The following DLG2 variants were observed in gnomAD, a reference collection of about 807,000 sequenced individuals.
DLG2 encodes the protein discs large MAGUK scaffold protein 2.
Under a neutral mutation model 132.5 loss-of-function variants are expected in DLG2, and 45 were observed. The observed-to-expected ratio is 0.34, with a 90% CI of 0.27 to 0.44. The LOEUF (loss-of-function observed/expected upper bound fraction) is 0.44. Among genes scored for constraint, DLG2 ranks in the 20% least tolerant of loss-of-function variants. DLG2 has a pLI of 1.00. For synonymous variants in DLG2, 424 were observed against 419.6 expected (o/e 1.01, Z -0.13); for missense variants, 1,045 against 1,196.9 (o/e 0.87, Z 1.87).
At chr11:84,802,845 G>C (rs2075571500) in intron 6 of DLG2, among the ~76,000 whole-genome samples, 1 of 151,994 alleles carries the variant, frequency 6.6e-6, no homozygotes, top group Non-Finnish European at 1.5e-5. Flanking sequence ...GTGTCACCAG[G>C]CTGGAGTACA....
chr11:85,576,879 C>T (rs1318222880), intron 3 of DLG2, among the ~76,000 whole-genome samples: 1 of 151,978 alleles, frequency 6.6e-6, no homozygotes, highest in Admixed American at 6.6e-5. Context: ...TAAGGAAAGG[C>T]TTAAGATGGC....
intron 18 of DLG2, among the ~76,000 whole-genome samples, chr11:83,641,464 T>TC (rs1485754091): frequency 2.0e-5 from 3 of 152,210 alleles, no homozygotes; most frequent in Non-Finnish European, 2.9e-5. Context: ...CTCTTCTTTT[T>TC]CTAGTTTTCC....
At chr11:84,064,846 G>A (rs2096646904) in intron 10 of DLG2, among the ~76,000 whole-genome samples, 1 of 152,074 alleles carries the variant, frequency 6.6e-6, no homozygotes, top group African/African-American at 2.4e-5. Flanking sequence ...AGCTTTTACA[G>A]CAAGGTACTG....
chr11:85,045,254 C>T (rs1370008212), intron 6 of DLG2, among the ~76,000 whole-genome samples: 1 of 151,962 alleles, frequency 6.6e-6, no homozygotes, highest in Non-Finnish European at 1.5e-5. Flanking sequence ...GTTTAGTTAG[C>T]AGACCGATTT....
intron 15 of DLG2, among the ~76,000 whole-genome samples, chr11:83,886,156 A>T (rs1360494019): frequency 1.3e-5 from 2 of 152,204 alleles, no homozygotes; most frequent in Non-Finnish European, 2.9e-5. Context: ...AGACTGGCAA[A>T]TTGGATAAAG....
intron 15 of DLG2, among the ~76,000 whole-genome samples, chr11:83,901,197 C>T (rs764482531): frequency 1.3e-5 from 2 of 152,122 alleles, no homozygotes; most frequent in Admixed American, 6.6e-5. Flanking sequence ...GGCTCATAGG[C>T]GGAAGGGACT....
At chr11:84,172,789 G>A (rs1328660184) in intron 8 of DLG2, among the ~76,000 whole-genome samples, 6 of 152,086 alleles carry the variant, frequency 3.9e-5, no homozygotes, top group African/African-American at 1.4e-4. Context: ...TGATCCAACC[G>A]CCTTGGCCTC....
Position 85,626,830 on chromosome 11 carries a change from A to G in DLG2, c.-259-77T>C, listed in dbSNP as rs116551004. On this transcript the variant is annotated intron_variant, in intron 1 of 27. Transcript: ENST00000376104. ...TACACCGCCCACAGAGTTTACAGCA[A>G]CGTAATTTTTTAGTTTTTCAAGTTT... 341 of 152,336 alleles carry G rather than the reference A, an allele frequency of 2.2e-3. 1 individual carries two copies. Among genetic ancestry groups the G allele is most frequent in the African/African-American group, 7.9e-3 (328 of 41,572 alleles). The allele number at this position is 152,336 out of a possible 1,614,324, so 9.4% of individuals were successfully genotyped here.
intron 3 of DLG2, among the ~76,000 whole-genome samples, chr11:85,474,972 A>C (rs2093096263): frequency 6.6e-6 from 1 of 151,620 alleles, no homozygotes; most frequent in Admixed American, 6.6e-5. Context: ...AAATCAAAGA[A>C]CATAGAAAGG....
chr11:84,266,928 A>G lies in DLG2; in HGVS notation c.520-15637T>C, dbSNP rs1299385106. On this transcript the variant is annotated intron_variant, in intron 7 of 27. Transcript: ENST00000376104. ...AACCATACTTGGCACTGCAGAAAGTAGGAAGAGGAGAAGTGCATAGTCTTG... is the reference window on the plus strand; with the variant it reads ...AACCATACTTGGCACTGCAGAAAGTGGGAAGAGGAGAAGTGCATAGTCTTG... 2.6e-5 allele frequency among the ~76,000 whole-genome samples: 4 copies of G among 152,382 alleles called. No homozygotes were observed. The East Asian group carries it at 7.7e-4, about 29-fold the overall frequency.
intron 6 of DLG2, among the ~76,000 whole-genome samples, chr11:84,607,755 T>C (rs2099588361): frequency 6.6e-6 from 1 of 152,016 alleles, no homozygotes; most frequent in African/African-American, 2.4e-5. Context: ...TTGATCCCCA[T>C]ATCTAATGAA....
intron 6 of DLG2, among the ~76,000 whole-genome samples, chr11:85,074,186 C>T (rs961421689): frequency 6.6e-6 from 1 of 151,828 alleles, no homozygotes; most frequent in African/African-American, 2.4e-5. Flanking sequence ...ACACCAAACC[C>T]CTGCAACATG....
At chr11:84,617,324 A>G (rs2099606258) in intron 6 of DLG2, among the ~76,000 whole-genome samples, 1 of 151,986 alleles carries the variant, frequency 6.6e-6, no homozygotes, top group Non-Finnish European at 1.5e-5. Context: ...TCATCCTTTT[A>G]TATGGCCACA....
intron 6 of DLG2, among the ~76,000 whole-genome samples, chr11:84,905,745 T>C (rs940761511): frequency 6.6e-6 from 1 of 152,212 alleles, no homozygotes; most frequent in Non-Finnish European, 1.5e-5. Context: ...TCCTGAACAC[T>C]ATAGCTTAGT....
chr11:85,591,149 ATACTTGATCCTGCCT>A (rs1224961334), intron 3 of DLG2, among the ~76,000 whole-genome samples: 1 of 152,212 alleles, frequency 6.6e-6, no homozygotes, highest in Non-Finnish European at 1.5e-5. Context: ...AACTTAAGAA[ATACTTGATCCTGCCT>A]GACATGAAAC....
At chr11:85,169,659 A>T (rs1045568816) in intron 4 of DLG2, among the ~76,000 whole-genome samples, 4 of 152,184 alleles carry the variant, frequency 2.6e-5, no homozygotes, top group Non-Finnish European at 1.5e-5. Context: ...AGTTTGTGAC[A>T]TTCTGTCTAG....
At chr11:84,616,993 T>C (rs1349307005) in intron 6 of DLG2, among the ~76,000 whole-genome samples, 1 of 151,932 alleles carries the variant, frequency 6.6e-6, no homozygotes, top group Non-Finnish European at 1.5e-5. Flanking sequence ...CTTTTTTTTT[T>C]TTTAATTATA....
At chr11:85,580,911 C>T (rs1165246579) in intron 3 of DLG2, among the ~76,000 whole-genome samples, 1 of 152,176 alleles carries the variant, frequency 6.6e-6, no homozygotes, top group Non-Finnish European at 1.5e-5. Context: ...TTTGTCCTTA[C>T]AGATTATGTT....
At position 85,212,154 on chromosome 11, in the gene DLG2, G is replaced by A. The variant is rs576494532; in HGVS notation, c.187-57503C>T. Among the ~76,000 whole-genome samples the A allele has an allele frequency of 2.0e-5, 3 of 152,034 alleles. No individual in the cohort carries two copies. In the East Asian group the frequency reaches 5.8e-4, roughly 29 times the overall value. On this transcript the variant is annotated intron_variant, in intron 4 of 27. Coordinates refer to ENST00000376104, the MANE Select transcript of DLG2 (RefSeq NM_001142699.3). ...TGTAGATATAAACTTTACAAATAAA[G>A]AAGAGTAGTACACCTCGACCCCACT...
Sources: gnomAD v4.1 joint callset for allele counts (sites outside exome capture counted in the v4.1 genomes callset) on GRCh38, gnomAD v4.1.1 for gene constraint, MANE v1.5 for transcripts, NCBI Gene and HGNC (gene_info 2026-07-23, HGNC 2026-07-21) for gene names.